The following COL13A1 variants were observed in gnomAD, a reference collection of about 807,000 sequenced individuals.
COL13A1 encodes collagen alpha-1(XIII) chain.
A neutral mutation model predicts 130.9 loss-of-function variants in COL13A1; 89 were observed. That is an observed-to-expected ratio of 0.68 (90% CI 0.57 to 0.81). COL13A1 has a LOEUF of 0.81. Among genes scored for constraint, COL13A1 ranks in the 30% least tolerant of loss-of-function variants. The pLI is 0.00. For missense variants in COL13A1, 879 were observed against 934.6 expected, an observed-to-expected ratio of 0.94 and a Z score of 0.78; for synonymous variants, 402 against 341.6, an observed-to-expected ratio of 1.18 and a Z score of -1.95.
At position 69,932,438 on chromosome 10, in the gene COL13A1, G is replaced by T. The variant is rs185144680; in HGVS notation, c.1684-122G>T. On this transcript the variant is annotated intron_variant, in intron 30 of 40. Coordinates refer to ENST00000645393, the MANE Select transcript of COL13A1 (RefSeq NM_001368882.1). ...GGCTGACACCTCCACATCCTCCATG[G>T]TGTTCCTTGTTGACCCCTAGACCAG... The T allele has an allele frequency of 2.7e-4, 184 of 673,346 alleles. No individual in the cohort carries two copies. The African/African-American group carries it at 3.0e-3, about 11-fold the overall frequency. The allele number at this position is 673,346 out of a possible 1,614,324, so 41.7% of individuals were successfully genotyped here.
chr10:69,888,951 C>A (rs2060878789), intron 9 of COL13A1, among the ~76,000 whole-genome samples: 1 of 152,178 alleles, frequency 6.6e-6, no homozygotes, highest in Non-Finnish European at 1.5e-5. Flanking sequence ...GGACGGAATG[C>A]AGCCCCACTC....
rs778225235 is a variant in COL13A1 at position 69,925,796 on chromosome 10, C to A, written c.1330-8C>A. ...AGGCCGTGGGTTGAGATCTCATTTGCCTTCCAGGGCTCCAAGGGAGAACCA... is the reference window on the plus strand; with the variant it reads ...AGGCCGTGGGTTGAGATCTCATTTGACTTCCAGGGCTCCAAGGGAGAACCA... On this transcript the variant is annotated splice_region_variant and splice_polypyrimidine_tract_variant and intron_variant, in intron 25 of 40. Transcript: ENST00000645393. The A allele has an allele frequency of 8.2e-6, 13 of 1,589,884 alleles. No homozygotes were observed. The highest frequency in any genetic ancestry group is 3.5e-5 in the Admixed American group (2 of 56,792).
chr10:69,926,994 C>T, intron 26 of COL13A1, 93 bp from the exon 27 acceptor site: 1 of 1,578,474 alleles, frequency 6.3e-7, no homozygotes. Flanking sequence ...CTTTGAGGGG[C>T]CTAGCTCCCA....
At position 69,872,170 on chromosome 10, in the gene COL13A1, A is replaced by G. The variant is rs1564906279; in HGVS notation, c.373-14A>G. 6.2e-7 allele frequency: 1 copy of G among 1,613,942 alleles called. No individual in the cohort carries two copies. Among genetic ancestry groups the G allele is most frequent in the Middle Eastern group, 1.6e-4 (1 of 6,062 alleles). On this transcript the variant is annotated splice_polypyrimidine_tract_variant and intron_variant, in intron 3 of 40. Coordinates refer to ENST00000645393, the MANE Select transcript of COL13A1 (RefSeq NM_001368882.1). Reference sequence around the variant, plus strand: ...TACCTGCCTGACCTACGTAAACGTCACTCTTCATTTCAGGGTCCCACTGGA... The same window carrying G: ...TACCTGCCTGACCTACGTAAACGTCGCTCTTCATTTCAGGGTCCCACTGGA...
intron 9 of COL13A1, among the ~76,000 whole-genome samples, chr10:69,888,682 C>T (rs1237525857): frequency 3.9e-5 from 6 of 152,122 alleles, no homozygotes; most frequent in Admixed American, 2.0e-4. Context: ...CTCATGCACA[C>T]GCTTGCCCCT....
chr10:69,845,767 C>T (rs185376122), intron 2 of COL13A1, among the ~76,000 whole-genome samples: 121 of 152,384 alleles, frequency 7.9e-4, no homozygotes, highest in African/African-American at 2.7e-3. Flanking sequence ...GCAGAATCAC[C>T]TAGTCAGCTA....
intron 1 of COL13A1, among the ~76,000 whole-genome samples, chr10:69,806,349 G>C (rs1382940100): frequency 1.3e-5 from 2 of 152,216 alleles, no homozygotes; most frequent in Non-Finnish European, 2.9e-5. Flanking sequence ...AGGCAGAAGG[G>C]AGAGGGAGCT....
chr10:69,922,718 G>A lies in COL13A1; in HGVS notation c.1154G>A (p.Gly385Asp), dbSNP rs1187492882. ...PGLLGQKGEK[G>D]DAGNSIGGGR... Reference sequence around the variant, plus strand: ...ACCTTCCACCCCCAGGGAGAGAAAGGCGATGCTGGCAACTCCATTGGAGGA... The same window carrying A: ...ACCTTCCACCCCCAGGGAGAGAAAGACGATGCTGGCAACTCCATTGGAGGA... Residue 385 changes from glycine (G) to aspartate (D), a missense_variant, in exon 23 of 41, where the codon GGC (glycine) becomes GAC (aspartate). Coordinates refer to ENST00000645393, the MANE Select transcript of COL13A1 (RefSeq NM_001368882.1). 2 of 1,606,088 alleles carry A rather than the reference G, an allele frequency of 1.2e-6. No homozygotes were observed. Among genetic ancestry groups the A allele is most frequent in the Admixed American group, 1.7e-5 (1 of 59,144 alleles).
intron 35 of COL13A1, 89 bp downstream of exon 35, chr10:69,941,112 T>C: frequency 4.4e-6 from 7 of 1,597,486 alleles, no homozygotes; most frequent in Non-Finnish European, 6.0e-6. Context: ...TGGCCTCATT[T>C]TCCCAGTGAA....
At chr10:69,877,695 TCTCTCACACA>T (rs1227941177) in intron 5 of COL13A1, 108 of 112,230 alleles carry the variant, frequency 9.6e-4, no homozygotes, top group African/African-American at 4.5e-3. Flanking sequence ...TCTCTCTCTC[TCTCTCACACA>T]CACACACACA....
At chr10:69,919,259 C>T (rs1358103316) in intron 20 of COL13A1, among the ~76,000 whole-genome samples, 171 bp downstream of exon 20, 2 of 152,214 alleles carry the variant, frequency 1.3e-5, no homozygotes, top group African/African-American at 4.8e-5. Flanking sequence ...ATGCCTCCCC[C>T]TCCCTGGGTC....
Position 69,840,899 on chromosome 10 carries a change from C to T in COL13A1, c.364+18461C>T, listed in dbSNP as rs185792673. Among the ~76,000 whole-genome samples, 221 of 152,142 alleles carry T rather than the reference C, an allele frequency of 1.5e-3. 1 individual carries two copies. The highest frequency in any genetic ancestry group is 2.3e-3 in the Non-Finnish European group (159 of 67,990). On this transcript the variant is annotated intron_variant, in intron 2 of 40. Coordinates refer to ENST00000645393, the MANE Select transcript of COL13A1 (RefSeq NM_001368882.1). ...TTCCCCTGCCCCCTGGCTCTCAGAA[C>T]CCCGGGCGCCAGAGCTGGAAGGGGC...
intron 40 of COL13A1, 32 bp downstream of exon 40, chr10:69,957,074 C>T: frequency 1.3e-6 from 2 of 1,591,446 alleles, no homozygotes; most frequent in South Asian, 1.1e-5. Context: ...CACTGGGGCT[C>T]CGTTCTCAGC....
At chr10:69,861,808 C>G (rs546055735) in intron 2 of COL13A1, among the ~76,000 whole-genome samples, 1 of 152,136 alleles carries the variant, frequency 6.6e-6, no homozygotes, top group Non-Finnish European at 1.5e-5. Flanking sequence ...AGTGCAGGCA[C>G]AGAGACTGTA....
At position 69,802,098 on chromosome 10, in the gene COL13A1, T is replaced by G; in HGVS notation, c.-326T>G. 3.8e-6 allele frequency: 1 copy of G among 261,554 alleles called. No individual in the cohort carries two copies. The highest frequency in any genetic ancestry group is 7.1e-6 in the Non-Finnish European group (1 of 140,640). The allele number at this position is 261,554 out of a possible 1,614,324, so 16.2% of individuals were successfully genotyped here. Reference sequence around the variant, plus strand: ...GAAGGACTGACAGCGCGGCACCAACTGCTCTGCAGACACTTGAAGGGAAAG... The same window carrying G: ...GAAGGACTGACAGCGCGGCACCAACGGCTCTGCAGACACTTGAAGGGAAAG... On this transcript the variant is annotated 5_prime_UTR_variant, in exon 1 of 41. Coordinates refer to ENST00000645393, the MANE Select transcript of COL13A1 (RefSeq NM_001368882.1).
chr10:69,907,019 G>A (rs576236027), intron 17 of COL13A1, among the ~76,000 whole-genome samples: 37 of 152,240 alleles, frequency 2.4e-4, no homozygotes, highest in East Asian at 1.4e-3. Flanking sequence ...GTGAGCCACC[G>A]CGCCCAGTTA....
intron 17 of COL13A1, among the ~76,000 whole-genome samples, chr10:69,906,209 G>A (rs2062738254): frequency 6.6e-6 from 1 of 152,228 alleles, no homozygotes; most frequent in African/African-American, 2.4e-5. Flanking sequence ...AAATATTCTG[G>A]GAGAAGACAG....
chr10:69,949,202 G>A (rs1473348736), intron 38 of COL13A1, among the ~76,000 whole-genome samples: 1 of 151,972 alleles, frequency 6.6e-6, no homozygotes, highest in Non-Finnish European at 1.5e-5. Context: ...TTGTTTCTTC[G>A]AGACAGAGTC....
rs184948286 is a variant in COL13A1, at chr10:69,877,110, A to G, written c.436-929A>G. Among the ~76,000 whole-genome samples the G allele has an allele frequency of 6.4e-4, 98 of 152,296 alleles. 2 individuals carry two copies. In the East Asian group the frequency reaches 0.018, roughly 28 times the overall value. ...GGCTGCTGGTGCTATTTTAAATGAG[A>G]CAATGGGCCCATTTGGCTGCCCATT... is the stretch of plus-strand genomic sequence containing the variant. On this transcript the variant is annotated intron_variant, in intron 5 of 40. Transcript: ENST00000645393.
Sources: allele counts gnomAD v4.1 joint callset (sites outside exome capture counted in the v4.1 genomes callset), GRCh38; gene constraint gnomAD v4.1.1; transcripts MANE v1.5; gene names NCBI Gene and HGNC (gene_info 2026-07-23, HGNC 2026-07-21).